Variants in SLC2A7 observed in about 807,000 individuals in gnomAD.
The protein encoded by SLC2A7 is solute carrier family 2 member 7, also known as solute carrier family 2, facilitated glucose transporter member 7.
In SLC2A7, 50 loss-of-function variants were observed where a neutral mutation model predicts 50.5. That is an observed-to-expected ratio of 0.99 (90% CI 0.79 to 1.25). The LOEUF (loss-of-function observed/expected upper bound fraction) is 1.25, where lower values mean the gene tolerates loss of function less well. Among genes scored for constraint, SLC2A7 ranks in the 50% most tolerant of loss-of-function variants. SLC2A7 has a pLI of 0.00. For missense variants in SLC2A7, 683 were observed against 679.1 expected, an observed-to-expected ratio of 1.01 and a Z score of -0.06; for synonymous variants, 308 against 300.4, an observed-to-expected ratio of 1.03 and a Z score of -0.26.
chr1:9,004,920 A>G (rs752544455), intron 10 of SLC2A7, 41 bp from the exon 11 acceptor site: 1 of 1,598,852 alleles, frequency 6.3e-7, no homozygotes, highest in Non-Finnish European at 8.5e-7. Flanking sequence ...AGAAGGACCC[A>G]GGTGTCCCCC....
chr1:9,000,938 A>AGGG (rs1557644190), downstream of SLC2A7, among the ~76,000 whole-genome samples: 1 of 152,158 alleles, frequency 6.6e-6, no homozygotes, highest in African/African-American at 2.4e-5. Context: ...CGAGTCTTCC[A>AGGG]GCTGAAGCCC....
chr1:8,994,407 C>A, the SLC2A7 span, among the ~76,000 whole-genome samples: 1 of 152,162 alleles, frequency 6.6e-6, no homozygotes, highest in Non-Finnish European at 1.5e-5. Context: ...AGACAGTGGC[C>A]GGCAGCGTGA....
chr1:9,022,825 G>C (rs1407093617), intron 3 of SLC2A7, 93 bp downstream of exon 3: 1 of 1,508,740 alleles, frequency 6.6e-7, no homozygotes, highest in African/African-American at 1.4e-5. Flanking sequence ...GATTTTCAGG[G>C]TCACACGTCT....
At chr1:9,001,760 G>A (rs1640578477), downstream of SLC2A7, among the ~76,000 whole-genome samples, 1 of 152,174 alleles carries the variant, frequency 6.6e-6, no homozygotes, top group Non-Finnish European at 1.5e-5. Flanking sequence ...CCCCATTGGA[G>A]GGAGAGGAGG....
intron 3 of SLC2A7, among the ~76,000 whole-genome samples, chr1:9,019,648 G>C (rs1640884366): frequency 6.6e-6 from 1 of 152,244 alleles, no homozygotes; most frequent in East Asian, 1.9e-4. Flanking sequence ...GCCAGGCTGG[G>C]CATGGTGGAT....
chr1:9,023,044 T>C lies in SLC2A7; in HGVS notation c.185A>G (p.Glu62Gly), dbSNP rs1226255201. ...FKSFYNETYF[E>G]RHATFMDGKL... ...CCCGTCCATGAATGTTGCGTGTCGC[T>C]CAAAGTAGGTTTCGTTGTAAAATGA... Residue 62 changes from glutamate (E) to glycine (G), a missense_variant, in exon 3 of 12, where the codon GAG (glutamate) becomes GGG (glycine). Physicochemically the swap from Glu to Gly is moderately conservative, Grantham distance 98. Coordinates refer to ENST00000400906, the MANE Select transcript of SLC2A7 (RefSeq NM_207420.3). The C allele has an allele frequency of 6.2e-7, 1 of 1,613,958 alleles. No homozygotes were observed. The highest frequency in any genetic ancestry group is 2.2e-5 in the East Asian group (1 of 44,894).
At position 9,013,616 on chromosome 1, in the gene SLC2A7, G is replaced by T. The variant is rs182742981; in HGVS notation, c.923C>A (p.Thr308Asn). 2 of 1,613,302 alleles carry T rather than the reference G, an allele frequency of 1.2e-6. No homozygotes were observed. The highest frequency in any genetic ancestry group is 2.7e-5 in the African/African-American group (2 of 74,786). Residue 308 changes from threonine to asparagine, a missense_variant, in exon 8 of 12, where the codon ACC (threonine) becomes AAC (asparagine). Physicochemically the swap from Thr to Asn is moderately conservative, Grantham distance 65. Transcript: ENST00000400906. ...GINAINYYAD[T>N]IYTSAGVEAA... Reference sequence around the variant, plus strand: ...CTCCACGCCCGCAGATGTGTAGATGGTGTCCGCATAGTAGTTGATCTAAAC... The same window carrying T: ...CTCCACGCCCGCAGATGTGTAGATGTTGTCCGCATAGTAGTTGATCTAAAC...
chr1:9,018,428 G>A, intron 4 of SLC2A7, 53 bp from the exon 5 acceptor site: 1 of 1,605,884 alleles, frequency 6.2e-7, no homozygotes, highest in Non-Finnish European at 8.5e-7. Flanking sequence ...CGCAGAATCT[G>A]AGATGCAATT....
At position 9,022,941 on chromosome 1, in the gene SLC2A7, G is replaced by A. The variant is rs1640933919; in HGVS notation, c.288C>T (p.Gly96=). The part of the protein sequence containing the change: ...LGGLLGSLLV[G]LLVDSCGRKG... ...ACCTGCCGCAGCTATCAACCAGCAGGCCCACGAGCAATGACCCCAACAGGC... is the reference window on the plus strand; with the variant it reads ...ACCTGCCGCAGCTATCAACCAGCAGACCCACGAGCAATGACCCCAACAGGC... The change falls in exon 3 of 12, where the codon GGC becomes GGT. Residue 96 remains glycine, a synonymous_variant. Coordinates refer to ENST00000400906, the MANE Select transcript of SLC2A7 (RefSeq NM_207420.3). The A allele has an allele frequency of 1.2e-6, 2 of 1,613,990 alleles. No homozygotes were observed. The highest frequency in any genetic ancestry group is 1.7e-6 in the Non-Finnish European group (2 of 1,179,934).
chr1:9,013,713 C>T, intron 7 of SLC2A7, 78 bp from the exon 8 acceptor site: 4 of 1,250,936 alleles, frequency 3.2e-6, no homozygotes, highest in Non-Finnish European at 4.5e-6. Context: ...TCAAGCCACA[C>T]ACAGTTCTGC....
At chr1:9,016,040 C>T (rs1569799333) in intron 5 of SLC2A7, among the ~76,000 whole-genome samples, 1 of 152,286 alleles carries the variant, frequency 6.6e-6, no homozygotes, top group East Asian at 1.9e-4. Context: ...TCTTTAATGT[C>T]TCTGAGCCTC....
At chr1:9,007,741 CTT>C (rs34900242) in intron 9 of SLC2A7, among the ~76,000 whole-genome samples, 30,543 of 140,154 alleles carry the variant, frequency 0.22, 3,173 homozygotes, top group Middle Eastern at 0.34. Context: ...ACGATTCTTT[CTT>C]TTTTTTTTTT....
rs571092999 is a variant in SLC2A7, at chr1:9,003,080, G to A, written c.*220C>T. On this transcript the variant is annotated 3_prime_UTR_variant, in exon 12 of 12. Coordinates refer to ENST00000400906, the MANE Select transcript of SLC2A7 (RefSeq NM_207420.3). ...CGAGTCTTAACCAATCAAAATTCAC[G>A]TGCCGGCCCCTTCCTCCAGGTCATT... is the stretch of plus-strand genomic sequence containing the variant. Among the ~76,000 whole-genome samples the A allele has an allele frequency of 7.2e-5, 11 of 152,170 alleles. No homozygotes were observed. Among genetic ancestry groups the A allele is most frequent in the Admixed American group, 4.6e-4 (7 of 15,274 alleles).
intron 6 of SLC2A7, 44 bp downstream of exon 6, chr1:9,015,073 C>T (rs1256923962): frequency 1.2e-6 from 2 of 1,608,970 alleles, no homozygotes; most frequent in Non-Finnish European, 1.7e-6. Flanking sequence ...CTGCCTGGCC[C>T]CCGGGGTGGG....
chr1:9,006,847 C>T (rs1262589391), intron 10 of SLC2A7, among the ~76,000 whole-genome samples: 7 of 152,072 alleles, frequency 4.6e-5, no homozygotes, highest in Non-Finnish European at 1.0e-4. Context: ...GGTGGAGGCC[C>T]GAAGCCACTG....
chr1:9,011,340 A>C (rs1274693582), intron 8 of SLC2A7, among the ~76,000 whole-genome samples: 11 of 152,314 alleles, frequency 7.2e-5, no homozygotes, highest in Non-Finnish European at 1.5e-4. Flanking sequence ...TACCTGAATA[A>C]GAATAAAACC....
intron 8 of SLC2A7, among the ~76,000 whole-genome samples, chr1:9,013,175 T>A (rs1394867218): frequency 3.3e-5 from 5 of 152,078 alleles, no homozygotes; most frequent in Non-Finnish European, 7.4e-5. Context: ...TACAAGTGTG[T>A]GCCACCACAC....
chr1:9,009,947 T>C (rs1248026748), intron 9 of SLC2A7, among the ~76,000 whole-genome samples, 196 bp downstream of exon 9: 1 of 152,266 alleles, frequency 6.6e-6, no homozygotes, highest in African/African-American at 2.4e-5. Context: ...CTTATTTGCA[T>C]GTGCAGGTGT....
chr1:9,007,371 C>A lies in SLC2A7; in HGVS notation c.1131G>T (p.Glu377Asp). Residue 377 changes from glutamate (E) to aspartate (D), a missense_variant, in exon 10 of 12, where the codon GAG (glutamate) becomes GAT (aspartate). By Grantham distance (45) the Glu-to-Asp change is conservative. Coordinates refer to ENST00000400906, the MANE Select transcript of SLC2A7 (RefSeq NM_207420.3). ...VVLLFQNRVP[E>D]LSYLGIICVF... The stretch of plus-strand genomic sequence containing the variant: ...CACAGATGATGCCGAGGTAGGACAG[C>A]TCGGGGACCCTGTTCTGTGGGGAGA... The A allele has an allele frequency of 6.2e-7, 1 of 1,614,176 alleles. No individual in the cohort carries two copies. The highest frequency in any genetic ancestry group is 8.5e-7 in the Non-Finnish European group (1 of 1,180,016).
Sources: gnomAD v4.1 joint callset for allele counts (sites outside exome capture counted in the v4.1 genomes callset) on GRCh38, gnomAD v4.1.1 for gene constraint, MANE v1.5 for transcripts, NCBI Gene and HGNC (gene_info 2026-07-23, HGNC 2026-07-21) for gene names.